Variants in FAM171B observed in about 807,000 individuals in gnomAD.
FAM171B encodes the protein family with sequence similarity 171 member B.
In FAM171B, 19 loss-of-function variants were observed where a neutral mutation model predicts 75.6. The ratio of observed to expected loss-of-function variants is 0.25; its 90% CI spans 0.18 to 0.37. The LOEUF is 0.37. FAM171B is among the 10% of genes least tolerant of loss of function. FAM171B has a pLI of 1.00. For synonymous variants in FAM171B, 367 were observed against 361.7 expected (o/e 1.01, Z -0.17); for missense variants, 848 against 982.4 (o/e 0.86, Z 1.83).
At chr2:186,736,567 G>GTGTGTGTGTGTGTGTGTGA (rs55683607) in intron 1 of FAM171B, among the ~76,000 whole-genome samples, 4 of 104,590 alleles carry the variant, frequency 3.8e-5, no homozygotes, top group Admixed American at 1.0e-4. Flanking sequence ...TGTGTGTGTG[G>GTGTGTGTGTGTGTGTGTGA]GAGAGAGAGA....
chr2:186,746,490 T>C (rs1376675942), intron 3 of FAM171B, among the ~76,000 whole-genome samples: 1 of 152,246 alleles, frequency 6.6e-6, no homozygotes, highest in Non-Finnish European at 1.5e-5. Context: ...ACTTTAGACA[T>C]GGCTCGATCA....
At chr2:186,726,681 C>T (rs1690038263) in intron 1 of FAM171B, among the ~76,000 whole-genome samples, 1 of 151,714 alleles carries the variant, frequency 6.6e-6, no homozygotes, top group Non-Finnish European at 1.5e-5. Flanking sequence ...GATACATTTG[C>T]CTTATATTTA....
intron 1 of FAM171B, among the ~76,000 whole-genome samples, chr2:186,710,374 T>G (rs972036802): frequency 1.3e-5 from 2 of 152,230 alleles, no homozygotes; most frequent in Non-Finnish European, 2.9e-5. Context: ...AATGTATAAA[T>G]CTGTTTAACG....
chr2:186,734,736 G>A (rs1690172048), intron 1 of FAM171B, among the ~76,000 whole-genome samples: 1 of 152,184 alleles, frequency 6.6e-6, no homozygotes, highest in Non-Finnish European at 1.5e-5. Flanking sequence ...GTGCTGAGGG[G>A]TACCCGCAAT....
At chr2:186,697,060 A>G (rs1267328154) in intron 1 of FAM171B, among the ~76,000 whole-genome samples, 2 of 152,298 alleles carry the variant, frequency 1.3e-5, no homozygotes, top group South Asian at 2.1e-4. Flanking sequence ...GAATGAATTC[A>G]CTTTCTCAGC....
Position 186,765,737 on chromosome 2 carries a change from A to G in FAM171B, c.*2914A>G, listed in dbSNP as rs952135494. 2.2e-4 allele frequency: 33 copies of G among 152,234 alleles called. No individual in the cohort carries two copies. Among genetic ancestry groups the G allele is most frequent in the African/African-American group, 7.5e-4 (31 of 41,578 alleles). The allele number at this position is 152,234 out of a possible 1,614,324, so 9.4% of individuals were successfully genotyped here. A position where few individuals can be genotyped will look rare whatever the true frequency, so the allele number is the denominator to read the frequency against. On this transcript the variant is annotated 3_prime_UTR_variant, in exon 8 of 8. Transcript: ENST00000304698. The stretch of plus-strand genomic sequence containing the variant: ...TCATTTTCCCATGTACGAGCATTGT[A>G]AAGGAATTCAGCTGTATTAATTTCT...
chr2:186,750,825 TG>T (rs1160885820), intron 4 of FAM171B, among the ~76,000 whole-genome samples: 1 of 152,162 alleles, frequency 6.6e-6, no homozygotes, highest in Non-Finnish European at 1.5e-5. Flanking sequence ...TATAGTGAGA[TG>T]GGGTTTTTTT....
intron 6 of FAM171B, 73 bp downstream of exon 6, chr2:186,754,122 C>T: frequency 9.0e-7 from 1 of 1,107,160 alleles, no homozygotes; most frequent in South Asian, 1.5e-5. Flanking sequence ...CAGCAGACCT[C>T]AGTTTTATTC....
chr2:186,725,229 A>G (rs2246762), intron 1 of FAM171B, among the ~76,000 whole-genome samples: 244 of 152,022 alleles, frequency 1.6e-3, no homozygotes, highest in African/African-American at 5.6e-3. Flanking sequence ...CTGTAGTCCC[A>G]GCTACTTGGG....
At chr2:186,711,184 A>T (rs1042961015) in intron 1 of FAM171B, among the ~76,000 whole-genome samples, 1 of 152,214 alleles carries the variant, frequency 6.6e-6, no homozygotes, top group Non-Finnish European at 1.5e-5. Flanking sequence ...TGCAAATAGC[A>T]TACTTTACTT....
At chr2:186,713,678 C>T (rs1689838489) in intron 1 of FAM171B, among the ~76,000 whole-genome samples, 2 of 152,208 alleles carry the variant, frequency 1.3e-5, no homozygotes, top group South Asian at 4.1e-4. Flanking sequence ...ACATATGTTT[C>T]TGTAGTAAGA....
At chr2:186,721,096 A>G (rs1689946886) in intron 1 of FAM171B, among the ~76,000 whole-genome samples, 1 of 152,204 alleles carries the variant, frequency 6.6e-6, no homozygotes, top group African/African-American at 2.4e-5. Context: ...TTTAGGTCAT[A>G]TCCCTATCCC....
intron 2 of FAM171B, among the ~76,000 whole-genome samples, chr2:186,743,279 T>C (rs1026553013): frequency 1.3e-5 from 2 of 152,166 alleles, no homozygotes; most frequent in Non-Finnish European, 2.9e-5. Context: ...TGATAACCAA[T>C]GTTTTCTTCT....
At chr2:186,750,369 A>G (rs1026810637) in intron 4 of FAM171B, among the ~76,000 whole-genome samples, 4 of 152,206 alleles carry the variant, frequency 2.6e-5, no homozygotes, top group Non-Finnish European at 4.4e-5. Context: ...AAATTGTATT[A>G]GTAAATCTTT....
intron 6 of FAM171B, among the ~76,000 whole-genome samples, chr2:186,755,464 A>C (rs1690519745): frequency 6.6e-6 from 1 of 152,192 alleles, no homozygotes; most frequent in Non-Finnish European, 1.5e-5. Context: ...TTGGTTTATC[A>C]AGTGTTTTGG....
intron 1 of FAM171B, among the ~76,000 whole-genome samples, chr2:186,705,639 A>T (rs558700488): frequency 6.6e-6 from 1 of 152,286 alleles, no homozygotes; most frequent in Middle Eastern, 3.4e-3. Flanking sequence ...ATTCAGACTC[A>T]AATAACATTT....
At chr2:186,736,566 GGGAGA>G (rs1690203698) in intron 1 of FAM171B, among the ~76,000 whole-genome samples, 1 of 128,108 alleles carries the variant, frequency 7.8e-6, no homozygotes, top group African/African-American at 2.9e-5. Flanking sequence ...GTGTGTGTGT[GGGAGA>G]GAGAGAGAGA....
At chr2:186,719,591 A>AGGG (rs1689923503) in intron 1 of FAM171B, among the ~76,000 whole-genome samples, 7 of 152,270 alleles carry the variant, frequency 4.6e-5, no homozygotes, top group Non-Finnish European at 8.8e-5. Context: ...ATGAAAGCTA[A>AGGG]GTTAACGGAA....
rs1218677052 is a variant in FAM171B at position 186,761,713 on chromosome 2, G to A, written c.1371G>A (p.Arg457=). 3 of 1,612,960 alleles carry A rather than the reference G, an allele frequency of 1.9e-6. No individual in the cohort carries two copies. The highest frequency in any genetic ancestry group is 8.5e-7 in the Non-Finnish European group (1 of 1,179,584). ...AAAGAGTTTCCATGGTAAAAACTCG[G>A]GACGATTTTAAAATCTACAATGAAG... ...TEERVSMVKT[R]DDFKIYNEDV... The change falls in exon 8 of 8, where the codon CGG becomes CGA. Residue 457 remains arginine (R), a synonymous_variant. Transcript: ENST00000304698.
Sources: gnomAD v4.1 joint callset for allele counts (sites outside exome capture counted in the v4.1 genomes callset) on GRCh38, gnomAD v4.1.1 for gene constraint, MANE v1.5 for transcripts, NCBI Gene and HGNC (gene_info 2026-07-23, HGNC 2026-07-21) for gene names.